TATDN1: variants seen among roughly 807,000 people sequenced by gnomAD.
TATDN1 encodes the protein TatD DNase domain containing 1.
In TATDN1, 40 loss-of-function variants were observed where a neutral mutation model predicts 46.4. That is an observed-to-expected ratio of 0.86 (90% CI 0.67 to 1.12). TATDN1 has a LOEUF of 1.12. Among genes scored for constraint, TATDN1 ranks in the 50% most tolerant of loss-of-function variants. The probability of loss-of-function intolerance (pLI) is 0.00; values close to 1 mark genes in which losing one functional copy is unlikely to be tolerated. For missense variants in TATDN1, 326 were observed against 348.4 expected (o/e 0.94, Z 0.51); for synonymous variants, 95 against 105.6 (o/e 0.90, Z 0.62).
chr8:124,500,113 G>A (rs1226894903), intron 9 of TATDN1, among the ~76,000 whole-genome samples: 2 of 152,090 alleles, frequency 1.3e-5, no homozygotes, highest in Non-Finnish European at 2.9e-5. Context: ...AAAGTGCTGG[G>A]ATTACAGGCG....
intron 6 of TATDN1, among the ~76,000 whole-genome samples, chr8:124,509,894 C>A (rs1818852754): frequency 1.3e-5 from 2 of 152,000 alleles, no homozygotes; most frequent in African/African-American, 4.8e-5. Flanking sequence ...CAAAAATTAG[C>A]CGGCATGTTG....
At chr8:124,522,251 CTTTT>C (rs751363070) in intron 2 of TATDN1, 51 bp from the exon 3 acceptor site, 1 of 975,074 alleles carries the variant, frequency 1.0e-6, no homozygotes, top group African/African-American at 1.7e-5. Flanking sequence ...AAAAATTTGA[CTTTT>C]TTTTTTAGCT....
chr8:124,495,595 T>C, intron 9 of TATDN1, 53 bp from the exon 10 acceptor site: 1 of 1,371,032 alleles, frequency 7.3e-7, no homozygotes, highest in Non-Finnish European at 1.0e-6. Context: ...CGAATACCTT[T>C]TTTCGTATCA....
chr8:124,495,274 C>A (rs1441612130), intron 10 of TATDN1, 198 bp downstream of exon 10: 1 of 571,676 alleles, frequency 1.7e-6, no homozygotes, highest in Non-Finnish European at 3.0e-6. Flanking sequence ...TAGCAAACTT[C>A]TAAATTGAAA....
At chr8:124,495,801 T>C (rs1240585383) in intron 9 of TATDN1, among the ~76,000 whole-genome samples, 2 of 152,250 alleles carry the variant, frequency 1.3e-5, no homozygotes, top group Non-Finnish European at 2.9e-5. Flanking sequence ...TCAGTCTAAG[T>C]AAAATTTAAC....
At chr8:124,514,370 G>A (rs1819279956) in intron 6 of TATDN1, among the ~76,000 whole-genome samples, 1 of 152,158 alleles carries the variant, frequency 6.6e-6, no homozygotes, top group South Asian at 2.1e-4. Context: ...ATCACCATAT[G>A]ACAAAATTAT....
At chr8:124,535,544 C>G (rs1040388141) in intron 1 of TATDN1, among the ~76,000 whole-genome samples, 10 of 152,176 alleles carry the variant, frequency 6.6e-5, no homozygotes, top group Non-Finnish European at 1.3e-4. Context: ...ATGAACATTT[C>G]CTGAAATGGA....
At chr8:124,492,948 C>T (rs943276965) in intron 11 of TATDN1, among the ~76,000 whole-genome samples, 1 of 152,102 alleles carries the variant, frequency 6.6e-6, no homozygotes, top group Non-Finnish European at 1.5e-5. Context: ...GGCCACCATG[C>T]CTGGCTGCTT....
At chr8:124,523,955 T>A (rs1206408090) in intron 1 of TATDN1, among the ~76,000 whole-genome samples, 1 of 152,188 alleles carries the variant, frequency 6.6e-6, no homozygotes, top group Non-Finnish European at 1.5e-5. Context: ...AGACTGTGAC[T>A]GGTCACAGGC....
intron 6 of TATDN1, among the ~76,000 whole-genome samples, chr8:124,513,651 A>G (rs1819218564): frequency 6.6e-6 from 1 of 152,322 alleles, no homozygotes; most frequent in Non-Finnish European, 1.5e-5. Context: ...GATACTGTCA[A>G]TGTTTTCGAT....
chr8:124,522,060 G>T, intron 3 of TATDN1, 91 bp downstream of exon 3: 1 of 803,628 alleles, frequency 1.2e-6, no homozygotes, highest in Non-Finnish European at 2.1e-6. Flanking sequence ...CTGTGGCATT[G>T]GTTTGTTCCT....
intron 1 of TATDN1, among the ~76,000 whole-genome samples, chr8:124,537,223 C>T (rs571045228): frequency 6.6e-6 from 1 of 152,114 alleles, no homozygotes; most frequent in Non-Finnish European, 1.5e-5. Flanking sequence ...AAATACCATA[C>T]CAGTATCTGC....
At chr8:124,535,070 C>G (rs1399034306) in intron 1 of TATDN1, among the ~76,000 whole-genome samples, 1 of 152,162 alleles carries the variant, frequency 6.6e-6, no homozygotes, top group African/African-American at 2.4e-5. Context: ...TCTCCCCTTC[C>G]CCAGAAGTGG....
chr8:124,508,209 C>CT (rs1379269486), intron 8 of TATDN1, among the ~76,000 whole-genome samples: 1 of 152,116 alleles, frequency 6.6e-6, no homozygotes, highest in African/African-American at 2.4e-5. Flanking sequence ...AAAAAGAAAT[C>CT]TTTGGGAAGG....
intron 8 of TATDN1, among the ~76,000 whole-genome samples, chr8:124,505,497 T>G (rs1039357469): frequency 6.9e-6 from 1 of 145,794 alleles, no homozygotes; most frequent in Admixed American, 7.0e-5. Flanking sequence ...GAGGCCGAGG[T>G]AGGCAGATCA....
At chr8:124,504,121 TAATA>T (rs985698548) in intron 9 of TATDN1, 146 bp downstream of exon 9, 70 of 703,180 alleles carry the variant, frequency 1.0e-4, no homozygotes, top group African/African-American at 5.4e-4. Flanking sequence ...TTTAATTTCT[TAATA>T]AATAATTACT....
At chr8:124,510,367 G>A (rs763692579) in intron 6 of TATDN1, among the ~76,000 whole-genome samples, 1 of 152,092 alleles carries the variant, frequency 6.6e-6, no homozygotes, top group Non-Finnish European at 1.5e-5. Context: ...CACAGCAGGC[G>A]GTACTCTTCA....
chr8:124,488,765 T>C, intron 11 of TATDN1, 69 bp from the exon 12 acceptor site: 1 of 939,352 alleles, frequency 1.1e-6, no homozygotes, highest in Admixed American at 2.0e-5. Context: ...CTATATAATA[T>C]TTTTCCACAC....
chr8:124,497,120 G>T (rs1304833814), intron 9 of TATDN1, among the ~76,000 whole-genome samples: 1 of 152,082 alleles, frequency 6.6e-6, no homozygotes, highest in Non-Finnish European at 1.5e-5. Context: ...ATTGTCTTCT[G>T]AAGTCTCAAC....
Sources: gnomAD v4.1 joint callset for allele counts (sites outside exome capture counted in the v4.1 genomes callset) on GRCh38, gnomAD v4.1.1 for gene constraint, MANE v1.5 for transcripts, NCBI Gene and HGNC (gene_info 2026-07-23, HGNC 2026-07-21) for gene names.